The following ARHGAP32 variants were observed in gnomAD, a reference collection of about 807,000 sequenced individuals.
ARHGAP32 encodes the protein rho GTPase-activating protein 32.
Under a neutral mutation model 186.5 loss-of-function variants are expected in ARHGAP32, and 51 were observed. That is an observed-to-expected ratio of 0.27 (90% CI 0.22 to 0.35). The LOEUF (loss-of-function observed/expected upper bound fraction) is 0.35. ARHGAP32 is among the 10% of genes least tolerant of loss of function. The pLI is 1.00. For synonymous variants in ARHGAP32, 950 were observed against 964.3 expected, an observed-to-expected ratio of 0.99 and a Z score of 0.27; for missense variants, 2,186 against 2,623.5, an observed-to-expected ratio of 0.83 and a Z score of 3.64.
At position 128,997,535 on chromosome 11, in the gene ARHGAP32, G is replaced by A. The variant is rs902831865; in HGVS notation, c.1195+784C>T. Among the ~76,000 whole-genome samples, 7 of 152,216 alleles carry A rather than the reference G, an allele frequency of 4.6e-5. No homozygotes were observed. In the East Asian group the frequency reaches 9.7e-4, roughly 21 times the overall value. On this transcript the variant is annotated intron_variant, in intron 12 of 22. Coordinates refer to ENST00000682385, the MANE Select transcript of ARHGAP32 (RefSeq NM_001378024.1). ...ATTTCTGGTACTTAGCAACATCACAGGTAGATCCTGCCTTCATCTTCTGGC... is the reference window on the plus strand; with the variant it reads ...ATTTCTGGTACTTAGCAACATCACAAGTAGATCCTGCCTTCATCTTCTGGC...
At chr11:129,242,309 G>A (rs941533065) in intron 1 of ARHGAP32, among the ~76,000 whole-genome samples, 2 of 152,134 alleles carry the variant, frequency 1.3e-5, no homozygotes, top group African/African-American at 4.8e-5. Flanking sequence ...CAACACAAAT[G>A]TCATAACCTC....
chr11:129,197,032 G>C (rs904208846), upstream of ARHGAP32, among the ~76,000 whole-genome samples: 1 of 152,068 alleles, frequency 6.6e-6, no homozygotes, highest in Non-Finnish European at 1.5e-5. Context: ...ACTTCAGCCT[G>C]GGTGACAGAG....
At chr11:129,084,639 A>G (rs1412843002) in intron 6 of ARHGAP32, among the ~76,000 whole-genome samples, 1 of 152,180 alleles carries the variant, frequency 6.6e-6, no homozygotes, top group Admixed American at 6.5e-5. Context: ...AGCAAACCAG[A>G]AATAAAGGGA....
chr11:129,270,682 T>C (rs1403976526), intron 1 of ARHGAP32, among the ~76,000 whole-genome samples: 1 of 151,940 alleles, frequency 6.6e-6, no homozygotes. Flanking sequence ...TACAGGAAAC[T>C]TCTGCACCTT....
intron 17 of ARHGAP32, 69 bp from the exon 18 acceptor site, chr11:128,980,817 T>G: frequency 4.3e-6 from 5 of 1,171,820 alleles, no homozygotes; most frequent in Non-Finnish European, 4.9e-6. Context: ...TTAGTATCTA[T>G]CTCTCCATCT....
chr11:129,184,576 G>T (rs1339611122), intron 1 of ARHGAP32, among the ~76,000 whole-genome samples: 1 of 151,844 alleles, frequency 6.6e-6, no homozygotes, highest in African/African-American at 2.4e-5. Context: ...AATGTAAAAA[G>T]AAATATATCA....
intron 5 of ARHGAP32, among the ~76,000 whole-genome samples, chr11:129,116,045 A>G (rs981789986): frequency 4.6e-5 from 7 of 152,066 alleles, no homozygotes; most frequent in East Asian, 1.9e-4. Context: ...GGGAACCAAC[A>G]TAAGTTACTT....
chr11:129,180,262 C>T (rs1274924668), intron 1 of ARHGAP32, among the ~76,000 whole-genome samples: 2 of 152,050 alleles, frequency 1.3e-5, no homozygotes, highest in East Asian at 3.9e-4. Context: ...CATTAGAGTA[C>T]ATGCTATATA....
At chr11:129,098,540 C>A (rs1477337252) in intron 5 of ARHGAP32, among the ~76,000 whole-genome samples, 1 of 151,946 alleles carries the variant, frequency 6.6e-6, no homozygotes, top group East Asian at 1.9e-4. Context: ...CTGCCTCAAC[C>A]TCCTGAATAG....
chr11:129,238,275 C>T (rs546799067), intron 1 of ARHGAP32, among the ~76,000 whole-genome samples: 1 of 152,108 alleles, frequency 6.6e-6, no homozygotes, highest in Non-Finnish European at 1.5e-5. Flanking sequence ...AACTCTTATA[C>T]CCTCCCAGGA....
At chr11:129,046,115 C>T (rs1007024660) in intron 10 of ARHGAP32, among the ~76,000 whole-genome samples, 1 of 151,986 alleles carries the variant, frequency 6.6e-6, no homozygotes, top group Non-Finnish European at 1.5e-5. Context: ...CCACCGTATA[C>T]ACACTCCCAT....
At chr11:129,120,410 T>C (rs1310089937) in intron 5 of ARHGAP32, among the ~76,000 whole-genome samples, 1 of 152,100 alleles carries the variant, frequency 6.6e-6, no homozygotes, top group Non-Finnish European at 1.5e-5. Flanking sequence ...CAGTTGGATA[T>C]ACAAGGCTGG....
At chr11:129,276,087 T>C (rs1003595062) in intron 1 of ARHGAP32, among the ~76,000 whole-genome samples, 1 of 152,194 alleles carries the variant, frequency 6.6e-6, no homozygotes, top group African/African-American at 2.4e-5. Context: ...GGCCAGCCTG[T>C]GCAACATAGC....
At position 128,969,625 on chromosome 11, in the gene ARHGAP32, T is replaced by C; in HGVS notation, c.5588A>G (p.Gln1863Arg). 1 of 1,614,132 alleles carries C rather than the reference T, an allele frequency of 6.2e-7. No individual in the cohort carries two copies. The highest frequency in any genetic ancestry group is 8.5e-7 in the Non-Finnish European group (1 of 1,180,040). The change falls in exon 23 of 23, where the codon CAG becomes CGG. Residue 1863 changes from glutamine (Q) to arginine (R), a missense_variant. Physicochemically the swap from Gln to Arg is conservative, Grantham distance 43. Coordinates refer to ENST00000682385, the MANE Select transcript of ARHGAP32 (RefSeq NM_001378024.1). The surrounding 1 kb of genome is among the most constrained non-coding windows in gnomAD (Gnocchi z 4.8). The stretch of plus-strand genomic sequence containing the variant: ...CTGAGGCAGGGATGGCTTCTCCGGC[T>C]GCGTGCTACCATGGCCTCCGTGATG... ...AHHHGGHGST[Q>R]PEKPSLPQKQ...
At chr11:129,181,303 T>A (rs952261544) in intron 1 of ARHGAP32, among the ~76,000 whole-genome samples, 2 of 152,174 alleles carry the variant, frequency 1.3e-5, no homozygotes, top group African/African-American at 4.8e-5. Flanking sequence ...GAATTTGGTT[T>A]GTTAGTCAAT....
At chr11:128,999,480 T>G (rs11221530) in intron 11 of ARHGAP32, among the ~76,000 whole-genome samples, 28,735 of 152,040 alleles carry the variant, frequency 0.19, 2,849 homozygotes, top group Non-Finnish European at 0.22. Context: ...TGCCTTGTGA[T>G]GTTTTATTGC....
intron 1 of ARHGAP32, among the ~76,000 whole-genome samples, chr11:129,187,685 C>T (rs1944190397): frequency 2.0e-5 from 3 of 151,972 alleles, no homozygotes; most frequent in African/African-American, 4.8e-5. Flanking sequence ...CACTATGAAC[C>T]CCCTAAAATT....
intron 6 of ARHGAP32, 143 bp downstream of exon 6, chr11:129,093,478 T>C (rs1460990221): frequency 3.0e-6 from 2 of 657,072 alleles, no homozygotes; most frequent in African/African-American, 1.8e-5. Flanking sequence ...TAGTCATTAT[T>C]GCACAATCTC....
intron 1 of ARHGAP32, among the ~76,000 whole-genome samples, chr11:129,231,800 G>A (rs1054503995): frequency 3.3e-5 from 5 of 151,928 alleles, no homozygotes; most frequent in South Asian, 2.1e-4. Flanking sequence ...AGAAGCAGGC[G>A]AATCACTTGA....
Sources: allele counts gnomAD v4.1 joint callset (sites outside exome capture counted in the v4.1 genomes callset), GRCh38; gene constraint gnomAD v4.1.1; non-coding constraint Gnocchi (gnomAD v3.1); transcripts MANE v1.5; gene names NCBI Gene and HGNC (gene_info 2026-07-23, HGNC 2026-07-21).